Variants in RAD51B observed in about 807,000 individuals in gnomAD.
RAD51B encodes the protein RAD51 paralog B.
A neutral mutation model predicts 42.2 loss-of-function variants in RAD51B; 38 were observed. The ratio of observed to expected loss-of-function variants is 0.90; its 90% CI spans 0.70 to 1.18. The LOEUF (loss-of-function observed/expected upper bound fraction) is 1.18. Ranked by LOEUF, RAD51B falls within the 50% of genes most tolerant of loss-of-function variation. The probability of loss-of-function intolerance (pLI) is 0.00; values close to 1 mark genes in which losing one functional copy is unlikely to be tolerated. For synonymous variants in RAD51B, 154 were observed against 145.2 expected (o/e 1.06, Z -0.43); for missense variants, 373 against 400.7 (o/e 0.93, Z 0.59).
chr14:68,094,105 C>A (rs984876471), intron 7 of RAD51B, among the ~76,000 whole-genome samples: 1 of 152,110 alleles, frequency 6.6e-6, no homozygotes, highest in African/African-American at 2.4e-5. Flanking sequence ...AAATTGAGTA[C>A]CTCTTTATAT....
At chr14:68,301,152 A>G (rs1446659486) in intron 8 of RAD51B, among the ~76,000 whole-genome samples, 2 of 152,166 alleles carry the variant, frequency 1.3e-5, no homozygotes, top group Non-Finnish European at 2.9e-5. Flanking sequence ...ACTTCCATCT[A>G]ATAGGCTCAT....
At chr14:68,086,533 CTTCCCATCACTTCCCTGCCCCCT>C (rs1256629417) in intron 7 of RAD51B, among the ~76,000 whole-genome samples, 1 of 152,156 alleles carries the variant, frequency 6.6e-6, no homozygotes, top group African/African-American at 2.4e-5. Flanking sequence ...ACGCGCTCCC[CTTCCCATCACTTCCCTGCCCCCT>C]TTCTGTATGG....
intron 8 of RAD51B, among the ~76,000 whole-genome samples, chr14:68,326,666 G>A (rs892909060): frequency 6.6e-6 from 1 of 152,208 alleles, no homozygotes; most frequent in African/African-American, 2.4e-5. Flanking sequence ...AATGTTAGGA[G>A]TAGACATAAA....
At chr14:68,114,070 T>C (rs2140597123) in intron 7 of RAD51B, 1 of 152,272 alleles carries the variant, frequency 6.6e-6, no homozygotes, top group South Asian at 2.1e-4. Flanking sequence ...CTTAATCTTT[T>C]GGTGAGAGTT....
intron 8 of RAD51B, among the ~76,000 whole-genome samples, chr14:68,340,037 G>A (rs1303416413): frequency 1.3e-5 from 2 of 152,148 alleles, no homozygotes; most frequent in Admixed American, 6.5e-5. Context: ...TTTTTAGGAG[G>A]AATGTAACAT....
chr14:68,019,815 T>C (rs2075835339), intron 7 of RAD51B, among the ~76,000 whole-genome samples: 2 of 152,232 alleles, frequency 1.3e-5, no homozygotes, highest in African/African-American at 4.8e-5. Context: ...TTGTCCAATA[T>C]GGCTGCTAGA....
At position 68,177,931 on chromosome 14, in the gene RAD51B, C is replaced by G. The variant is rs574473264; in HGVS notation, c.757-113953C>G. ...ATCTTTAACAGCTCAATGCACATGA[C>G]CTTGGCATTGCTTCAAAGGTGGCAG... On this transcript the variant is annotated intron_variant, in intron 7 of 10. Coordinates refer to ENST00000471583, the MANE Select transcript of RAD51B (RefSeq NM_133510.4). Among the ~76,000 whole-genome samples the G allele has an allele frequency of 9.2e-5, 14 of 152,292 alleles. No homozygotes were observed. In the South Asian group the frequency reaches 2.9e-3, roughly 32 times the overall value.
At chr14:68,055,627 A>T (rs2076461601) in intron 7 of RAD51B, among the ~76,000 whole-genome samples, 1 of 152,204 alleles carries the variant, frequency 6.6e-6, no homozygotes, top group African/African-American at 2.4e-5. Context: ...ATTAAAAACA[A>T]CATTAATATG....
chr14:67,910,238 A>G (rs1200110423), intron 7 of RAD51B, among the ~76,000 whole-genome samples: 2 of 151,928 alleles, frequency 1.3e-5, no homozygotes, highest in Admixed American at 6.6e-5. Context: ...TTCAGAAAGG[A>G]TGTTTACTGT....
At chr14:67,981,203 T>C (rs2075086123) in intron 7 of RAD51B, among the ~76,000 whole-genome samples, 1 of 152,132 alleles carries the variant, frequency 6.6e-6, no homozygotes, top group Non-Finnish European at 1.5e-5. Flanking sequence ...AAATGAAAAG[T>C]GTACTGCAAT....
intron 7 of RAD51B, among the ~76,000 whole-genome samples, chr14:68,169,497 C>T (rs1444471684): frequency 6.6e-6 from 1 of 151,598 alleles, no homozygotes; most frequent in Non-Finnish European, 1.5e-5. Context: ...TGTTTTATAT[C>T]GTAAGTTGAG....
At chr14:68,292,176 T>C (rs1334396726) in intron 8 of RAD51B, among the ~76,000 whole-genome samples, 196 bp downstream of exon 8, 1 of 152,212 alleles carries the variant, frequency 6.6e-6, no homozygotes, top group African/African-American at 2.4e-5. Flanking sequence ...GCCCTGCCTC[T>C]ATAAGGGAGC....
At chr14:68,175,865 GAC>G (rs1047911103) in intron 7 of RAD51B, among the ~76,000 whole-genome samples, 3 of 152,192 alleles carry the variant, frequency 2.0e-5, no homozygotes, top group African/African-American at 7.2e-5. Context: ...AGTAAAGTCT[GAC>G]AGTTCCAAGC....
chr14:67,868,614 G>A (rs1219605590), intron 5 of RAD51B, among the ~76,000 whole-genome samples: 1 of 151,438 alleles, frequency 6.6e-6, no homozygotes. Flanking sequence ...TGCCTCTGTA[G>A]GCTCCACCTC....
intron 1 of RAD51B, chr14:67,822,145 A>G (rs1388299395): frequency 1.3e-5 from 2 of 152,190 alleles, no homozygotes; most frequent in Non-Finnish European, 2.9e-5. Context: ...TTCTTTTCTG[A>G]TAACTATATT....
At chr14:68,041,553 T>A (rs563763469) in intron 7 of RAD51B, among the ~76,000 whole-genome samples, 3 of 152,070 alleles carry the variant, frequency 2.0e-5, no homozygotes, top group Non-Finnish European at 4.4e-5. Flanking sequence ...AGGGTCAACA[T>A]TTATACTCTC....
chr14:68,263,643 C>G (rs1288796232), intron 7 of RAD51B, among the ~76,000 whole-genome samples: 1 of 152,180 alleles, frequency 6.6e-6, no homozygotes, highest in African/African-American at 2.4e-5. Context: ...ACACACAAAG[C>G]TACACTTTTC....
intron 9 of RAD51B, among the ~76,000 whole-genome samples, chr14:68,425,963 TCTTTCTTTCTTTCTTCCTTC>T (rs1261710693): frequency 0.01 from 1,189 of 116,390 alleles, 15 homozygotes; most frequent in African/African-American, 0.038. Flanking sequence ...TTTCTTTCTT[TCTTTCTTTCTTTCTTCCTTC>T]CTTCCTTCCT....
At chr14:68,019,350 T>C (rs2075826915) in intron 7 of RAD51B, among the ~76,000 whole-genome samples, 1 of 152,200 alleles carries the variant, frequency 6.6e-6, no homozygotes, top group African/African-American at 2.4e-5. Flanking sequence ...ATTGGTCATC[T>C]CTGGATTTGG....
Sources: allele counts gnomAD v4.1 joint callset (sites outside exome capture counted in the v4.1 genomes callset), GRCh38; gene constraint gnomAD v4.1.1; transcripts MANE v1.5; gene names NCBI Gene and HGNC (gene_info 2026-07-23, HGNC 2026-07-21).